Variants in CAB39L observed in about 807,000 individuals in gnomAD.
CAB39L encodes the protein calcium-binding protein 39-like.
A neutral mutation model predicts 39.1 loss-of-function variants in CAB39L; 23 were observed. That is an observed-to-expected ratio of 0.59 (90% confidence interval 0.42 to 0.83). The LOEUF is 0.83. Among genes scored for constraint, CAB39L ranks in the 40% least tolerant of loss-of-function variants. CAB39L has a pLI of 0.00. For missense variants in CAB39L, 366 were observed against 391.9 expected (o/e 0.93, Z 0.56); for synonymous variants, 126 against 137.2 (o/e 0.92, Z 0.57).
chr13:49,345,229 C>T (rs1955113931), intron 7 of CAB39L, among the ~76,000 whole-genome samples: 1 of 152,092 alleles, frequency 6.6e-6, no homozygotes, highest in Non-Finnish European at 1.5e-5. Context: ...ATAGAAGGTA[C>T]ACAACATAAC....
chr13:49,439,920 GGTTTTT>G (rs1413619154), intron 1 of CAB39L, among the ~76,000 whole-genome samples: 3 of 41,366 alleles, frequency 7.3e-5, no homozygotes, highest in African/African-American at 2.3e-4. Flanking sequence ...CTTTTTAATG[GGTTTTT>G]TTTTTTTTTT....
intron 9 of CAB39L, among the ~76,000 whole-genome samples, chr13:49,336,846 T>C (rs752323575): frequency 6.6e-6 from 1 of 152,252 alleles, no homozygotes; most frequent in Non-Finnish European, 1.5e-5. Context: ...CTTATCTTCA[T>C]CTGCTCTTAG....
chr13:49,326,835 C>T (rs1954516531), intron 10 of CAB39L, among the ~76,000 whole-genome samples: 1 of 151,996 alleles, frequency 6.6e-6, no homozygotes, highest in Non-Finnish European at 1.5e-5. Context: ...ATTTTGCAAC[C>T]CACTGTTTCC....
intron 5 of CAB39L, among the ~76,000 whole-genome samples, chr13:49,372,964 C>A (rs552390588): frequency 1.3e-3 from 197 of 152,320 alleles, no homozygotes; most frequent in African/African-American, 4.5e-3. Context: ...TGAGCCACTG[C>A]GCCGGCCTCA....
intron 6 of CAB39L, 174 bp from the exon 7 acceptor site, chr13:49,351,086 A>T: frequency 5.0e-6 from 2 of 397,938 alleles, no homozygotes; most frequent in Non-Finnish European, 8.7e-6. Flanking sequence ...TTGCAGACGT[A>T]TTCTGGAATT....
intron 10 of CAB39L, among the ~76,000 whole-genome samples, chr13:49,329,129 G>A (rs866678540): frequency 2.6e-4 from 39 of 151,838 alleles, no homozygotes; most frequent in African/African-American, 8.7e-4. Context: ...TTTATTTCTG[G>A]GCCCTCTACT....
intron 8 of CAB39L, among the ~76,000 whole-genome samples, chr13:49,340,559 A>C (rs150989211): frequency 4.6e-4 from 70 of 152,346 alleles, no homozygotes; most frequent in African/African-American, 1.4e-3. Flanking sequence ...GAAAAGTAAA[A>C]ATACAAAGGT....
intron 5 of CAB39L, among the ~76,000 whole-genome samples, chr13:49,365,827 CAA>C (rs923120941): frequency 2.6e-5 from 4 of 151,014 alleles, no homozygotes; most frequent in African/African-American, 9.8e-5. Flanking sequence ...ATCAGTATAT[CAA>C]AGAGATATCT....
chr13:49,425,713 T>G (rs1359348716), intron 3 of CAB39L, among the ~76,000 whole-genome samples: 1 of 152,132 alleles, frequency 6.6e-6, no homozygotes, highest in East Asian at 1.9e-4. Flanking sequence ...CAGACAATCC[T>G]TTTCAAAAAA....
chr13:49,363,008 G>C (rs1309810603), intron 5 of CAB39L, among the ~76,000 whole-genome samples: 1 of 152,102 alleles, frequency 6.6e-6, no homozygotes, highest in African/African-American at 2.4e-5. Flanking sequence ...ATACCCTTCA[G>C]GCATGAAGGA....
At chr13:49,442,759 C>T (rs1957550269) in intron 1 of CAB39L, among the ~76,000 whole-genome samples, 1 of 137,198 alleles carries the variant, frequency 7.3e-6, no homozygotes, top group Admixed American at 7.8e-5. Flanking sequence ...CCATTGCACT[C>T]CAGCATAGGC....
chr13:49,369,416 T>C (rs960953339), intron 5 of CAB39L, among the ~76,000 whole-genome samples: 1 of 152,222 alleles, frequency 6.6e-6, no homozygotes, highest in Non-Finnish European at 1.5e-5. Flanking sequence ...GGCAACGACA[T>C]GGATGAATCT....
intron 10 of CAB39L, among the ~76,000 whole-genome samples, chr13:49,322,596 A>T (rs1373469560): frequency 6.6e-6 from 1 of 152,248 alleles, no homozygotes; most frequent in East Asian, 1.9e-4. Flanking sequence ...CTTCCATCCA[A>T]AGAATGAGTA....
intron 3 of CAB39L, among the ~76,000 whole-genome samples, chr13:49,417,075 G>A (rs1957098136): frequency 6.6e-6 from 1 of 152,122 alleles, no homozygotes; most frequent in Non-Finnish European, 1.5e-5. Flanking sequence ...AAATCTCACT[G>A]GCTCTTATCT....
chr13:49,369,590 A>ATTT (rs34632855), intron 5 of CAB39L, among the ~76,000 whole-genome samples: 43 of 146,822 alleles, frequency 2.9e-4, no homozygotes, highest in African/African-American at 1.0e-3. Flanking sequence ...GGCAAAGGAG[A>ATTT]TTTTTTTTTT....
intron 3 of CAB39L, among the ~76,000 whole-genome samples, chr13:49,415,253 A>G (rs915854151): frequency 6.6e-6 from 1 of 151,658 alleles, no homozygotes; most frequent in African/African-American, 2.4e-5. Context: ...GCGGTGGCTC[A>G]CACCTGTAAT....
rs1331573131 is a variant in CAB39L at position 49,429,775 on chromosome 13, A to G, written c.-32+3543T>C. 2.0e-5 allele frequency among the ~76,000 whole-genome samples: 3 copies of G among 152,248 alleles called. No individual in the cohort carries two copies. The East Asian group carries it at 5.8e-4, about 29-fold the overall frequency. The stretch of plus-strand genomic sequence containing the variant: ...ATGTTCTCTTATAGTTTTAATTTGC[A>G]TTTATTTGATTACTTGTGGGATTGA... On this transcript the variant is annotated intron_variant, in intron 3 of 10. Transcript: ENST00000409308.
At chr13:49,361,018 A>G (rs988246681) in intron 5 of CAB39L, among the ~76,000 whole-genome samples, 2 of 152,170 alleles carry the variant, frequency 1.3e-5, no homozygotes, top group Non-Finnish European at 2.9e-5. Context: ...GTATGGCCCT[A>G]GTTCTGGCCT....
intron 1 of CAB39L, among the ~76,000 whole-genome samples, chr13:49,435,206 T>C (rs1487416145): frequency 6.6e-6 from 1 of 152,220 alleles, no homozygotes; most frequent in Non-Finnish European, 1.5e-5. Flanking sequence ...AGGGGCACAA[T>C]CTACCTGCAG....
Sources: gnomAD v4.1 joint callset for allele counts (sites outside exome capture counted in the v4.1 genomes callset) on GRCh38, gnomAD v4.1.1 for gene constraint, MANE v1.5 for transcripts, NCBI Gene and HGNC (gene_info 2026-07-23, HGNC 2026-07-21) for gene names.